Variants in TNPO1 observed in about 807,000 individuals in gnomAD.
The protein encoded by TNPO1 is transportin 1.
A neutral mutation model predicts 119.5 loss-of-function variants in TNPO1; 8 were observed. The ratio of observed to expected loss-of-function variants is 0.07; its 90% CI spans 0.04 to 0.12. TNPO1 has a LOEUF of 0.12. Ranked by LOEUF, TNPO1 falls within the 10% of genes least tolerant of loss-of-function variation. The pLI is 1.00. For synonymous variants in TNPO1, 362 were observed against 363.0 expected, an observed-to-expected ratio of 1.00 and a Z score of 0.03; for missense variants, 576 against 1,089.8, an observed-to-expected ratio of 0.53 and a Z score of 6.64.
intron 4 of TNPO1, among the ~76,000 whole-genome samples, chr5:72,859,030 A>C (rs1746227991): frequency 2.1e-5 from 1 of 47,174 alleles, no homozygotes; most frequent in African/African-American, 5.6e-5. Flanking sequence ...ACTTCTAGGA[A>C]CATATTTTTA....
chr5:72,818,118 C>G (rs957156753), intron 1 of TNPO1, among the ~76,000 whole-genome samples: 1 of 152,312 alleles, frequency 6.6e-6, no homozygotes, highest in East Asian at 1.9e-4. Context: ...TGCAATTTAA[C>G]GTGAGCCTAA....
intron 11 of TNPO1, among the ~76,000 whole-genome samples, chr5:72,886,012 G>A (rs1450157178): frequency 5.3e-5 from 8 of 152,102 alleles, no homozygotes; most frequent in Middle Eastern, 3.4e-3. Flanking sequence ...CTACAGTAAC[G>A]ACATTAACCC....
At chr5:72,897,795 T>C (rs1342545883) in intron 20 of TNPO1, among the ~76,000 whole-genome samples, 2 of 152,084 alleles carry the variant, frequency 1.3e-5, no homozygotes, top group African/African-American at 4.8e-5. Context: ...GACAGAAATT[T>C]TGTTTTCATT....
At chr5:72,891,665 G>C in intron 14 of TNPO1, 145 bp from the exon 15 acceptor site, 1 of 604,530 alleles carries the variant, frequency 1.7e-6, no homozygotes, top group Non-Finnish European at 2.9e-6. Context: ...AAAAGGGACT[G>C]TGCAGAGTGA....
At chr5:72,857,316 CAAAA>C (rs5868650) in intron 4 of TNPO1, among the ~76,000 whole-genome samples, 1 of 136,204 alleles carries the variant, frequency 7.3e-6, no homozygotes, top group African/African-American at 2.7e-5. Flanking sequence ...AAATCTGTCT[CAAAA>C]AAAAAAAAAG....
At chr5:72,897,902 A>C (rs906527870) in intron 20 of TNPO1, among the ~76,000 whole-genome samples, 4 of 152,130 alleles carry the variant, frequency 2.6e-5, no homozygotes, top group Admixed American at 1.3e-4. Context: ...GATTAAAATA[A>C]GGTTTTCCAA....
intron 9 of TNPO1, among the ~76,000 whole-genome samples, chr5:72,881,322 G>A (rs1748230027): frequency 6.6e-6 from 1 of 152,112 alleles, no homozygotes; most frequent in African/African-American, 2.4e-5. Context: ...TGTTGGCCGG[G>A]CTGGTCTCGA....
Position 72,855,941 on chromosome 5 carries a change from A to C in TNPO1, c.355+18A>C, listed in dbSNP as rs769059298. Reference sequence around the variant, plus strand: ...CACTGTTGGTAAGTTATATTACAACAGTTTTGCTTACTTTGTTTGTAACTG... The same window carrying C: ...CACTGTTGGTAAGTTATATTACAACCGTTTTGCTTACTTTGTTTGTAACTG... On this transcript the variant is annotated intron_variant, in intron 4 of 24. Coordinates refer to ENST00000337273, the MANE Select transcript of TNPO1 (RefSeq NM_002270.4). 3.7e-6 allele frequency: 6 copies of C among 1,611,022 alleles called. No individual in the cohort carries two copies. In the African/African-American group the frequency reaches 6.7e-5, roughly 18 times the overall value.
chr5:72,868,811 A>G (rs955037879), intron 6 of TNPO1, among the ~76,000 whole-genome samples: 8 of 152,094 alleles, frequency 5.3e-5, no homozygotes, highest in African/African-American at 1.7e-4. Context: ...GTTCAAGACT[A>G]GCCTGGCCAA....
chr5:72,902,873 A>G (rs1749893498), intron 22 of TNPO1, among the ~76,000 whole-genome samples: 2 of 152,214 alleles, frequency 1.3e-5, no homozygotes, highest in African/African-American at 4.8e-5. Context: ...CATAATTTGA[A>G]TAAATTGTGT....
chr5:72,844,159 C>A (rs1320781511), intron 1 of TNPO1, among the ~76,000 whole-genome samples: 1 of 152,044 alleles, frequency 6.6e-6, no homozygotes, highest in African/African-American at 2.4e-5. Flanking sequence ...CAGGACAGAC[C>A]TAGAAATAAT....
chr5:72,819,809 G>A (rs755920491), intron 1 of TNPO1, among the ~76,000 whole-genome samples: 27 of 152,082 alleles, frequency 1.8e-4, no homozygotes, highest in Admixed American at 4.6e-4. Context: ...TGTGACCTTG[G>A]GCAAGTTATT....
In TNPO1 at chr5:72,851,224, T is replaced by G; in HGVS notation, c.130-20T>G. The G allele has an allele frequency of 6.8e-7, 1 of 1,478,266 alleles. No homozygotes were observed. The highest frequency in any genetic ancestry group is 9.4e-7 in the Non-Finnish European group (1 of 1,066,400). The allele number at this position is 1,478,266 out of a possible 1,614,324, so 91.6% of individuals were successfully genotyped here. On this transcript the variant is annotated intron_variant, in intron 2 of 24. Transcript: ENST00000337273. ...CCTGAGATTACACAGAGAAGTTTCC[T>G]TAACTACTGTTTGTTCTAGAAACTG...
intron 6 of TNPO1, among the ~76,000 whole-genome samples, chr5:72,870,918 A>G (rs888941703): frequency 1.3e-5 from 2 of 152,118 alleles, no homozygotes; most frequent in African/African-American, 4.8e-5. Flanking sequence ...TAGCTCATGT[A>G]GTTTAATCCC....
rs1750472675 is a variant in TNPO1, at chr5:72,910,266, T to C, written c.*1593T>C. 6.6e-6 allele frequency: 1 copy of C among 152,614 alleles called. No individual in the cohort carries two copies. The highest frequency in any genetic ancestry group is 2.4e-5 in the African/African-American group (1 of 41,452). The allele number at this position is 152,614 out of a possible 1,614,324, so 9.5% of individuals were successfully genotyped here. The stretch of plus-strand genomic sequence containing the variant: ...TCCTCTTCATTTCATTTGTTTAGCT[T>C]TTCTGTTATTTTTCTCTACTTACAT... On this transcript the variant is annotated 3_prime_UTR_variant, in exon 25 of 25. Transcript: ENST00000337273.
In TNPO1 at chr5:72,900,023, C is replaced by T; in HGVS notation, c.2356C>T (p.Leu786Phe). The T allele has an allele frequency of 6.2e-7, 1 of 1,613,846 alleles. No individual in the cohort carries two copies. The highest frequency in any genetic ancestry group is 1.1e-5 in the South Asian group (1 of 91,046). ...LENTAITIGR[L>F]GYVCPQEVAP... Reference sequence around the variant, plus strand: ...TACCTTAGCAATAACAATTGGTCGTCTTGGTTACGTTTGTCCTCAAGAGGT... The same window carrying T: ...TACCTTAGCAATAACAATTGGTCGTTTTGGTTACGTTTGTCCTCAAGAGGT... The change falls in exon 21 of 25, where the codon CTT becomes TTT. Residue 786 changes from leucine to phenylalanine, a missense_variant. Around this residue, in one of 6 missense-constraint regions of TNPO1, gnomAD observed 162 missense variants for 294.1 expected, o/e 0.55. Transcript: ENST00000337273.
chr5:72,892,033 T>C, intron 15 of TNPO1, 137 bp downstream of exon 15: 1 of 616,800 alleles, frequency 1.6e-6, no homozygotes. Context: ...CATACTGTTC[T>C]CTAACCTGCT....
intron 2 of TNPO1, among the ~76,000 whole-genome samples, chr5:72,849,048 TAA>T (rs1370447299): frequency 6.6e-6 from 1 of 152,046 alleles, no homozygotes; most frequent in East Asian, 1.9e-4. Flanking sequence ...GTCCTTGCCC[TAA>T]AAAGGCTGGG....
chr5:72,840,094 G>A (rs1744843494), intron 1 of TNPO1, among the ~76,000 whole-genome samples: 1 of 152,156 alleles, frequency 6.6e-6, no homozygotes, highest in Non-Finnish European at 1.5e-5. Context: ...GGTGATGCAT[G>A]GAATAGAAAG....
Sources: gnomAD v4.1 joint callset for allele counts (sites outside exome capture counted in the v4.1 genomes callset) on GRCh38, gnomAD v4.1.1 for gene constraint, gnomAD v4.1.1 regional missense constraint, MANE v1.5 for transcripts, NCBI Gene and HGNC (gene_info 2026-07-23, HGNC 2026-07-21) for gene names.